Variants in KDM4C observed in about 807,000 individuals in gnomAD.
The protein encoded by KDM4C is lysine-specific demethylase 4C.
A neutral mutation model predicts 129.3 loss-of-function variants in KDM4C; 81 were observed. The observed-to-expected ratio is 0.63, with a 90% CI of 0.52 to 0.75. The LOEUF (loss-of-function observed/expected upper bound fraction) is 0.75, where lower values mean the gene tolerates loss of function less well. KDM4C is among the 30% of genes least tolerant of loss of function. The pLI is 0.00. For synonymous variants in KDM4C, 573 were observed against 456.1 expected, an observed-to-expected ratio of 1.26 and a Z score of -3.26; for missense variants, 1,457 against 1,304.0, an observed-to-expected ratio of 1.12 and a Z score of -1.81.
At chr9:7,070,177 A>G (rs1025422649) in intron 17 of KDM4C, among the ~76,000 whole-genome samples, 3 of 152,212 alleles carry the variant, frequency 2.0e-5, no homozygotes, top group Non-Finnish European at 4.4e-5. Flanking sequence ...CCAACAAGAA[A>G]TAGCTAAATA....
At chr9:6,890,228 C>G (rs1421783417) in intron 7 of KDM4C, among the ~76,000 whole-genome samples, 1 of 152,182 alleles carries the variant, frequency 6.6e-6, no homozygotes, top group South Asian at 2.1e-4. Flanking sequence ...GAGTTCATTC[C>G]TGATTCAGTC....
intron 18 of KDM4C, chr9:7,105,364 A>G (rs1286096372): frequency 6.6e-6 from 3 of 454,434 alleles, no homozygotes; most frequent in African/African-American, 6.0e-5. Flanking sequence ...TTCCTCATCT[A>G]TAAAACATGG....
At chr9:7,015,778 A>C in intron 14 of KDM4C, 75 bp from the exon 15 acceptor site, 1 of 988,692 alleles carries the variant, frequency 1.0e-6, no homozygotes, top group Admixed American at 1.8e-5. Flanking sequence ...ATTTTTATTT[A>C]TTTCAGTACT....
chr9:6,974,034 G>A (rs975416310), intron 8 of KDM4C: 3 of 152,150 alleles, frequency 2.0e-5, no homozygotes, highest in Non-Finnish European at 4.4e-5. Flanking sequence ...ACCCAAAGAG[G>A]CTGGTGGGCA....
At chr9:6,913,393 G>T (rs1418294823) in intron 8 of KDM4C, among the ~76,000 whole-genome samples, 1 of 152,196 alleles carries the variant, frequency 6.6e-6, no homozygotes, top group Non-Finnish European at 1.5e-5. Flanking sequence ...AACATTTAAA[G>T]AATCTAATGC....
chr9:7,101,984 C>A (rs1837148643), intron 17 of KDM4C, among the ~76,000 whole-genome samples: 1 of 151,944 alleles, frequency 6.6e-6, no homozygotes, highest in Non-Finnish European at 1.5e-5. Flanking sequence ...CTAAAAATTA[C>A]AAAAAATGTA....
chr9:7,109,699 C>T (rs1178114164), intron 18 of KDM4C, among the ~76,000 whole-genome samples: 2 of 152,136 alleles, frequency 1.3e-5, no homozygotes, highest in Non-Finnish European at 2.9e-5. Flanking sequence ...TTTTTATGAG[C>T]CCATTGCGTA....
intron 18 of KDM4C, among the ~76,000 whole-genome samples, chr9:7,124,325 G>C (rs1839815246): frequency 6.6e-6 from 1 of 152,184 alleles, no homozygotes; most frequent in African/African-American, 2.4e-5. Context: ...CTGTTTTTCA[G>C]TTTGACAGAG....
chr9:7,058,179 G>A (rs1207329126), intron 17 of KDM4C, among the ~76,000 whole-genome samples: 2 of 152,160 alleles, frequency 1.3e-5, no homozygotes, highest in African/African-American at 4.8e-5. Context: ...TCTCTGCTAT[G>A]GTGTCTTTTG....
At chr9:6,834,563 C>T (rs1564121084) in intron 4 of KDM4C, 1 of 708,866 alleles carries the variant, frequency 1.4e-6, no homozygotes, top group Non-Finnish European at 2.6e-6. Flanking sequence ...CATCGTGTGG[C>T]ACCCCAAGCA....
intron 8 of KDM4C, among the ~76,000 whole-genome samples, chr9:6,918,313 G>A (rs1029960806): frequency 6.6e-6 from 1 of 152,166 alleles, no homozygotes; most frequent in Admixed American, 6.5e-5. Flanking sequence ...TAGGATAACG[G>A]CCTCCACCTG....
At chr9:6,774,119 C>T (rs1185046663) in intron 1 of KDM4C, among the ~76,000 whole-genome samples, 3 of 151,864 alleles carry the variant, frequency 2.0e-5, no homozygotes, top group Non-Finnish European at 4.4e-5. Flanking sequence ...AACTCCTGAC[C>T]TCAAGTGATC....
chr9:6,957,588 C>T (rs919691593), intron 8 of KDM4C, among the ~76,000 whole-genome samples: 2 of 152,156 alleles, frequency 1.3e-5, no homozygotes, highest in Non-Finnish European at 2.9e-5. Context: ...CCACCACCAC[C>T]ATAAGAGATC....
intron 8 of KDM4C, among the ~76,000 whole-genome samples, chr9:6,905,800 C>G (rs1943329376): frequency 6.6e-6 from 1 of 152,172 alleles, no homozygotes; most frequent in African/African-American, 2.4e-5. Context: ...CTAAATCAGC[C>G]TGTGACTTCA....
intron 15 of KDM4C, among the ~76,000 whole-genome samples, chr9:7,035,363 A>C (rs1409795318): frequency 8.3e-6 from 1 of 120,218 alleles, no homozygotes; most frequent in Non-Finnish European, 1.9e-5. Flanking sequence ...GAGATGTTTG[A>C]GTTCCTTGTG....
intron 5 of KDM4C, among the ~76,000 whole-genome samples, chr9:6,879,397 C>G (rs901925495): frequency 6.6e-6 from 1 of 151,900 alleles, no homozygotes; most frequent in African/African-American, 2.4e-5. Flanking sequence ...TTGCTGTAAT[C>G]AAGATTTTGA....
chr9:6,859,601 C>T (rs1249841148), intron 5 of KDM4C, among the ~76,000 whole-genome samples: 2 of 146,188 alleles, frequency 1.4e-5, no homozygotes, highest in Admixed American at 6.8e-5. Context: ...CGGTGGCTCA[C>T]GCCTGTAATC....
intron 12 of KDM4C, among the ~76,000 whole-genome samples, chr9:6,993,930 T>C (rs1819219193): frequency 6.6e-6 from 1 of 152,128 alleles, no homozygotes; most frequent in African/African-American, 2.4e-5. Context: ...CCCTTAACTT[T>C]GCGACGTGAG....
chr9:7,160,977 G>T (rs1843720977), intron 19 of KDM4C, among the ~76,000 whole-genome samples: 2 of 151,724 alleles, frequency 1.3e-5, no homozygotes, highest in African/African-American at 4.9e-5. Flanking sequence ...GAGCTGCGGT[G>T]GGCTCCACCC....
Sources: gnomAD v4.1 joint callset for allele counts (sites outside exome capture counted in the v4.1 genomes callset) on GRCh38, gnomAD v4.1.1 for gene constraint, MANE v1.5 for transcripts, NCBI Gene and HGNC (gene_info 2026-07-23, HGNC 2026-07-21) for gene names.